CABCOCO1: variants seen among roughly 807,000 people sequenced by gnomAD.
The protein encoded by CABCOCO1 is ciliary-associated calcium-binding coiled-coil protein 1.
Under a neutral mutation model 35.7 loss-of-function variants are expected in CABCOCO1, and 28 were observed. The observed-to-expected ratio is 0.78, with a 90% CI of 0.58 to 1.07. The LOEUF (loss-of-function observed/expected upper bound fraction) is 1.07. Ranked by LOEUF, CABCOCO1 falls within the 50% of genes least tolerant of loss-of-function variation. CABCOCO1 has a pLI of 0.00. For missense variants in CABCOCO1, 326 were observed against 309.2 expected (o/e 1.05, Z -0.41); for synonymous variants, 95 against 100.1 (o/e 0.95, Z 0.30).
At chr10:61,741,680 C>T (rs543489608) in intron 5 of CABCOCO1, among the ~76,000 whole-genome samples, 27 of 151,976 alleles carry the variant, frequency 1.8e-4, no homozygotes, top group South Asian at 1.0e-3. Context: ...ATTTTTTCTA[C>T]GGAAAATAAT....
At position 61,744,030 on chromosome 10, in the gene CABCOCO1, T is replaced by C. The variant is rs937220597; in HGVS notation, c.553-16029T>C. The stretch of plus-strand genomic sequence containing the variant: ...TCAAAAGTCAGAGCCTTTGTGTTGT[T>C]TGTCTCTGAATCTCCATGACCTAGT... On this transcript the variant is annotated intron_variant, in intron 5 of 7. Transcript: ENST00000648843. Among the ~76,000 whole-genome samples, 7 of 152,184 alleles carry C rather than the reference T, an allele frequency of 4.6e-5. No homozygotes were observed. In the East Asian group the frequency reaches 1.3e-3, roughly 29 times the overall value.
chr10:61,672,340 C>T (rs1184354387), intron 1 of CABCOCO1, among the ~76,000 whole-genome samples: 1 of 152,200 alleles, frequency 6.6e-6, no homozygotes, highest in African/African-American at 2.4e-5. Flanking sequence ...TTTGCCTCCT[C>T]ATAAGCCCCA....
intron 2 of CABCOCO1, among the ~76,000 whole-genome samples, chr10:61,679,333 C>T (rs10994872): frequency 7.8e-6 from 1 of 128,256 alleles, no homozygotes; most frequent in African/African-American, 2.9e-5. Context: ...CTATATCTAT[C>T]TATATCTATC....
intron 5 of CABCOCO1, among the ~76,000 whole-genome samples, chr10:61,751,526 G>A (rs920499015): frequency 2.6e-5 from 4 of 152,148 alleles, no homozygotes; most frequent in Admixed American, 6.5e-5. Flanking sequence ...AAAGGAATTG[G>A]AGGAGGAGCA....
chr10:61,726,999 T>C (rs1017395879), intron 5 of CABCOCO1, among the ~76,000 whole-genome samples: 2 of 152,016 alleles, frequency 1.3e-5, no homozygotes, highest in Admixed American at 1.3e-4. Context: ...GAGGCATACG[T>C]TGCAGTGAGC....
At position 61,686,176 on chromosome 10, in the gene CABCOCO1, T is replaced by C. The variant is rs773226613; in HGVS notation, c.470T>C (p.Leu157Ser). Residue 157 changes from leucine (L) to serine (S), a missense_variant, in exon 4 of 8, where the codon TTA becomes TCA. Coordinates refer to ENST00000648843, the MANE Select transcript of CABCOCO1 (RefSeq NM_001366906.2). ...CAAGCCAATGCTATCATTGATTACT[T>C]AAAAATCAGGTATGGATTATTTTCA... ...VKQANAIIDY[L>S]KISLFQHYKL... 7.6e-6 allele frequency: 12 copies of C among 1,570,000 alleles called. No individual in the cohort carries two copies. The South Asian group carries it at 1.4e-4, about 19-fold the overall frequency.
At chr10:61,720,917 C>CT (rs71018996) in intron 5 of CABCOCO1, among the ~76,000 whole-genome samples, 1,484 of 65,784 alleles carry the variant, frequency 0.023, 201 homozygotes, top group African/African-American at 0.053. Flanking sequence ...TCTTTTCATT[C>CT]TTTTTTTTTT....
chr10:61,664,871 C>T (rs930419418), intron 1 of CABCOCO1, among the ~76,000 whole-genome samples: 1 of 152,154 alleles, frequency 6.6e-6, no homozygotes, highest in Non-Finnish European at 1.5e-5. Flanking sequence ...CTCTTGTGGT[C>T]TGTTCCCAAG....
At chr10:61,698,688 C>T (rs1028765206) in intron 5 of CABCOCO1, among the ~76,000 whole-genome samples, 2 of 152,076 alleles carry the variant, frequency 1.3e-5, no homozygotes, top group Non-Finnish European at 2.9e-5. Flanking sequence ...TATTTCAAAA[C>T]CCACACAGAT....
intron 2 of CABCOCO1, among the ~76,000 whole-genome samples, chr10:61,680,693 C>CATATTATATATATA (rs1463559075): frequency 7.5e-5 from 4 of 53,596 alleles, no homozygotes; most frequent in African/African-American, 2.4e-4. Flanking sequence ...ACATGTATAA[C>CATATTATATATATA]ATATATATGT....
rs967509099 is a variant in CABCOCO1, at chr10:61,680,734, T to A, written c.165-409T>A. ...ATGTATAACATATATATTATATATA[T>A]AATATATATATCTCAGAATATTTAA... On this transcript the variant is annotated intron_variant, in intron 2 of 7. Coordinates refer to ENST00000648843, the MANE Select transcript of CABCOCO1 (RefSeq NM_001366906.2). Among the ~76,000 whole-genome samples the A allele has an allele frequency of 1.9e-5, 2 of 104,632 alleles. 1 individual carries two copies. Among genetic ancestry groups the A allele is most frequent in the Non-Finnish European group, 3.7e-5 (2 of 53,688 alleles). 68.6% of individuals were successfully genotyped at this position (104,632 alleles called of 152,430 possible).
rs113594201 is a variant in CABCOCO1, at chr10:61,718,109, C to T, written c.552+27488C>T. 1.2e-4 allele frequency among the ~76,000 whole-genome samples: 18 copies of T among 152,208 alleles called. No homozygotes were observed. In the South Asian group the frequency reaches 3.1e-3, roughly 26 times the overall value. On this transcript the variant is annotated intron_variant, in intron 5 of 7. Coordinates refer to ENST00000648843, the MANE Select transcript of CABCOCO1 (RefSeq NM_001366906.2). The stretch of plus-strand genomic sequence containing the variant: ...TCTGCGAGAGTATTTAATGTACTAA[C>T]GGAACCTTTACTGAGTTTTAACATA...
intron 5 of CABCOCO1, among the ~76,000 whole-genome samples, chr10:61,726,637 G>A (rs1052614375): frequency 1.3e-5 from 2 of 151,864 alleles, no homozygotes; most frequent in Admixed American, 6.6e-5. Context: ...GGAAAATATT[G>A]TAAGAGGGGT....
At chr10:61,686,213 T>C in intron 4 of CABCOCO1, 28 bp downstream of exon 4, 1 of 1,492,326 alleles carries the variant, frequency 6.7e-7, no homozygotes. Flanking sequence ...TAACATTTAT[T>C]TTTCATTTCA....
At chr10:61,700,627 T>C (rs1196202863) in intron 5 of CABCOCO1, among the ~76,000 whole-genome samples, 2 of 152,104 alleles carry the variant, frequency 1.3e-5, no homozygotes, top group African/African-American at 2.4e-5. Context: ...ATTTACCTTT[T>C]GAGCCAAGGA....
intron 2 of CABCOCO1, among the ~76,000 whole-genome samples, chr10:61,680,693 CAT>C (rs71643929): frequency 0.07 from 3,687 of 52,718 alleles, 330 homozygotes; most frequent in African/African-American, 0.23. Flanking sequence ...ACATGTATAA[CAT>C]ATATATGTTA....
chr10:61,665,610 G>A (rs1307573337), intron 1 of CABCOCO1, among the ~76,000 whole-genome samples: 5 of 151,988 alleles, frequency 3.3e-5, no homozygotes, highest in Non-Finnish European at 7.4e-5. Context: ...AGGGAAGGCC[G>A]GGCGCGGTGG....
intron 2 of CABCOCO1, among the ~76,000 whole-genome samples, chr10:61,677,068 A>AATAATAAT (rs375409640): frequency 2.4e-3 from 346 of 144,332 alleles, no homozygotes; most frequent in East Asian, 8.1e-3. Context: ...CTGTCTCAAA[A>AATAATAAT]AATAATAATA....
intron 5 of CABCOCO1, among the ~76,000 whole-genome samples, chr10:61,738,895 C>A (rs1007569386): frequency 1.3e-5 from 2 of 152,182 alleles, no homozygotes; most frequent in African/African-American, 4.8e-5. Flanking sequence ...TATAAACCAG[C>A]TCTTGCTCTC....
Sources: gnomAD v4.1 joint callset for allele counts (sites outside exome capture counted in the v4.1 genomes callset) on GRCh38, gnomAD v4.1.1 for gene constraint, MANE v1.5 for transcripts, NCBI Gene and HGNC (gene_info 2026-07-23, HGNC 2026-07-21) for gene names.